Variants in PTPRD observed in about 807,000 individuals in gnomAD.
The protein encoded by PTPRD is receptor-type tyrosine-protein phosphatase delta.
A neutral mutation model predicts 214.5 loss-of-function variants in PTPRD; 34 were observed. That is an observed-to-expected ratio of 0.16 (90% CI 0.12 to 0.21). The LOEUF (loss-of-function observed/expected upper bound fraction) is 0.21, where lower values mean the gene tolerates loss of function less well. Among genes scored for constraint, PTPRD ranks in the 10% least tolerant of loss-of-function variants. The probability of loss-of-function intolerance (pLI) is 1.00; values close to 1 mark genes in which losing one functional copy is unlikely to be tolerated. For missense variants in PTPRD, 2,545 were observed against 2,398.7 expected (o/e 1.06, Z -1.27); for synonymous variants, 1,128 against 845.7 (o/e 1.33, Z -5.79).
chr9:9,084,705 A>T (rs1211065569), intron 10 of PTPRD, among the ~76,000 whole-genome samples: 1 of 152,060 alleles, frequency 6.6e-6, no homozygotes, highest in Non-Finnish European at 1.5e-5. Context: ...ATATACTCCA[A>T]ATGACACACA....
chr9:8,528,402 A>G (rs973293778), intron 15 of PTPRD, 189 bp downstream of exon 15: 1 of 652,098 alleles, frequency 1.5e-6, no homozygotes, highest in Admixed American at 2.6e-5. Flanking sequence ...AGAGAAAAGG[A>G]GAAAGACAGA....
intron 2 of PTPRD, among the ~76,000 whole-genome samples, chr9:10,555,110 AAAAC>A (rs1200520488): frequency 6.6e-6 from 1 of 151,956 alleles, no homozygotes; most frequent in African/African-American, 2.4e-5. Context: ...AGATCAGTTA[AAAAC>A]AAACAACACA....
intron 16 of PTPRD, among the ~76,000 whole-genome samples, chr9:8,527,103 G>T (rs2074369004): frequency 6.6e-6 from 1 of 151,792 alleles, no homozygotes; most frequent in East Asian, 1.9e-4. Flanking sequence ...TTGTTGATTG[G>T]ATATCTTATA....
At chr9:9,827,352 G>A (rs536555664) in intron 5 of PTPRD, among the ~76,000 whole-genome samples, 14 of 151,886 alleles carry the variant, frequency 9.2e-5, no homozygotes, top group East Asian at 3.9e-4. Flanking sequence ...AAATAATGCC[G>A]CATATCTACA....
intron 11 of PTPRD, among the ~76,000 whole-genome samples, chr9:8,787,339 G>T (rs923153329): frequency 2.0e-5 from 3 of 152,080 alleles, no homozygotes; most frequent in African/African-American, 7.2e-5. Context: ...CTGCTTTGAG[G>T]ATTATTATTT....
At chr9:9,330,988 C>A (rs975801815) in intron 9 of PTPRD, among the ~76,000 whole-genome samples, 1 of 150,054 alleles carries the variant, frequency 6.7e-6, no homozygotes, top group Non-Finnish European at 1.5e-5. Context: ...TGTTAATGAA[C>A]AGAGTAAATC....
intron 9 of PTPRD, among the ~76,000 whole-genome samples, chr9:9,265,417 C>T (rs1041919008): frequency 6.6e-6 from 1 of 151,400 alleles, no homozygotes; most frequent in Non-Finnish European, 1.5e-5. Context: ...CCACACCTAG[C>T]GTTTTTTTGT....
At chr9:8,825,380 T>C (rs368552896) in intron 11 of PTPRD, among the ~76,000 whole-genome samples, 1 of 152,198 alleles carries the variant, frequency 6.6e-6, no homozygotes, top group Non-Finnish European at 1.5e-5. Flanking sequence ...CAGATGTTTA[T>C]TGCACTCATG....
At chr9:9,703,228 C>G (rs1475102344) in intron 7 of PTPRD, among the ~76,000 whole-genome samples, 1 of 152,146 alleles carries the variant, frequency 6.6e-6, no homozygotes, top group Admixed American at 6.6e-5. Flanking sequence ...CTTTCACCTT[C>G]TGCCATGATT....
chr9:9,107,846 T>C (rs893772458), intron 10 of PTPRD, among the ~76,000 whole-genome samples: 2 of 152,182 alleles, frequency 1.3e-5, no homozygotes, highest in African/African-American at 4.8e-5. Flanking sequence ...TCCTTCAGAC[T>C]ACCATGCCAA....
chr9:8,766,980 T>C (rs965137439), intron 11 of PTPRD, among the ~76,000 whole-genome samples: 2 of 152,206 alleles, frequency 1.3e-5, no homozygotes, highest in African/African-American at 2.4e-5. Context: ...TTACTGTATA[T>C]GTTTCCTTTC....
At chr9:10,039,508 G>C (rs1451112442) in intron 3 of PTPRD, among the ~76,000 whole-genome samples, 2 of 152,016 alleles carry the variant, frequency 1.3e-5, no homozygotes, top group African/African-American at 2.4e-5. Flanking sequence ...ACACAAGTAA[G>C]CTAGATTACT....
intron 11 of PTPRD, among the ~76,000 whole-genome samples, chr9:8,885,901 G>A (rs191857280): frequency 5.8e-4 from 89 of 152,166 alleles, no homozygotes; most frequent in African/African-American, 2.0e-3. Flanking sequence ...TTATTTCCAC[G>A]CGCTTAATTG....
intron 9 of PTPRD, among the ~76,000 whole-genome samples, chr9:9,291,855 T>C (rs1007720273): frequency 1.1e-4 from 16 of 150,428 alleles, no homozygotes; most frequent in African/African-American, 3.9e-4. Context: ...TGTATATGTG[T>C]GTGTGTAATA....
chr9:10,547,845 T>C (rs1339788830), intron 2 of PTPRD, among the ~76,000 whole-genome samples: 17 of 152,112 alleles, frequency 1.1e-4, no homozygotes, highest in Admixed American at 1.1e-3. Flanking sequence ...ATCTTCCATC[T>C]CTTGGTGCTA....
chr9:8,663,671 A>G (rs1039392651), intron 12 of PTPRD, among the ~76,000 whole-genome samples: 1 of 151,914 alleles, frequency 6.6e-6, no homozygotes, highest in South Asian at 2.1e-4. Flanking sequence ...TTTGTATTTT[A>G]TTAGAGATGG....
At chr9:9,106,384 T>G (rs987039363) in intron 10 of PTPRD, among the ~76,000 whole-genome samples, 1 of 151,842 alleles carries the variant, frequency 6.6e-6, no homozygotes, top group African/African-American at 2.4e-5. Context: ...ACTTAATATG[T>G]TAATTTATTT....
intron 8 of PTPRD, among the ~76,000 whole-genome samples, chr9:9,459,321 C>T (rs184388906): frequency 6.6e-6 from 1 of 152,146 alleles, no homozygotes; most frequent in African/African-American, 2.4e-5. Flanking sequence ...TTTACCACTC[C>T]TATTTAAAAT....
At chr9:9,103,492 G>T (rs1224716261) in intron 10 of PTPRD, among the ~76,000 whole-genome samples, 3 of 152,008 alleles carry the variant, frequency 2.0e-5, no homozygotes, top group African/African-American at 7.2e-5. Context: ...TATGTTAAAT[G>T]AGAATGTATT....
Sources: allele counts gnomAD v4.1 joint callset (sites outside exome capture counted in the v4.1 genomes callset), GRCh38; gene constraint gnomAD v4.1.1; transcripts MANE v1.5; gene names NCBI Gene and HGNC (gene_info 2026-07-23, HGNC 2026-07-21).